Variants in HIVEP3 observed in about 807,000 individuals in gnomAD.
HIVEP3 encodes transcription factor HIVEP3.
In HIVEP3, 49 loss-of-function variants were observed where a neutral mutation model predicts 152.8. That is an observed-to-expected ratio of 0.32 (90% CI 0.26 to 0.41). The LOEUF is 0.41. HIVEP3 is among the 10% of genes least tolerant of loss of function. HIVEP3 has a pLI of 1.00. For missense variants in HIVEP3, 2,790 were observed against 3,103.3 expected (o/e 0.90, Z 2.40); for synonymous variants, 1,269 against 1,289.0 (o/e 0.98, Z 0.33).
chr1:41,991,997 T>C (rs1389647336), intron 1 of HIVEP3, among the ~76,000 whole-genome samples: 1 of 149,102 alleles, frequency 6.7e-6, no homozygotes, highest in Non-Finnish European at 1.5e-5. Flanking sequence ...TGGGACATAT[T>C]TCAAAATAAT....
chr1:41,654,997 A>G (rs1645607713), intron 2 of HIVEP3, among the ~76,000 whole-genome samples: 1 of 152,230 alleles, frequency 6.6e-6, no homozygotes, highest in South Asian at 2.1e-4. Context: ...CTACATGGAA[A>G]GACATTTTGA....
At chr1:41,769,117 C>G (rs1303820820) in intron 1 of HIVEP3, among the ~76,000 whole-genome samples, 1 of 152,230 alleles carries the variant, frequency 6.6e-6, no homozygotes, top group Non-Finnish European at 1.5e-5. Context: ...CAAATGGTTC[C>G]CTTTTGTAGC....
intron 2 of HIVEP3, among the ~76,000 whole-genome samples, chr1:41,682,510 G>A (rs752337945): frequency 4.3e-4 from 66 of 152,324 alleles, no homozygotes; most frequent in South Asian, 1.0e-3. Flanking sequence ...CCTGTGGTTG[G>A]TGTCTTGGGG....
intron 1 of HIVEP3, among the ~76,000 whole-genome samples, chr1:41,964,162 C>T (rs1645185243): frequency 6.6e-6 from 1 of 152,212 alleles, no homozygotes; most frequent in South Asian, 2.1e-4. Context: ...CGGCAGCTCC[C>T]ACTGAGAAGA....
At chr1:41,752,594 T>C (rs1440640261) in intron 1 of HIVEP3, among the ~76,000 whole-genome samples, 1 of 152,220 alleles carries the variant, frequency 6.6e-6, no homozygotes, top group Non-Finnish European at 1.5e-5. Flanking sequence ...GTATGGTTCC[T>C]GAACCCGGAG....
In HIVEP3 at chr1:41,584,325, G is replaced by T; in HGVS notation, c.473C>A (p.Pro158His). Residue 158 changes from proline (P) to histidine (H), a missense_variant, in exon 4 of 9, where the codon CCT becomes CAT. This residue lies in a region of HIVEP3 where 209 missense variants were observed against 237.0 expected (regional missense o/e 0.88). Coordinates refer to ENST00000372583, the MANE Select transcript of HIVEP3 (RefSeq NM_024503.5). This position sits in a 1 kb window ranked among gnomAD's most constrained non-coding sequence, Gnocchi z 5.2. The stretch of plus-strand genomic sequence containing the variant: ...AGGCACGAAGACTTTGGGGACTCCA[G>T]GAAGGTCCTCGGGGGGAATGATGGA... ...HASIIPPEDL[P>H]GVPKVFVPRP... 1 of 1,613,950 alleles carries T rather than the reference G, an allele frequency of 6.2e-7. No individual in the cohort carries two copies. The highest frequency in any genetic ancestry group is 8.5e-7 in the Non-Finnish European group (1 of 1,179,904).
At chr1:41,706,282 T>C (rs1482505390) in intron 1 of HIVEP3, among the ~76,000 whole-genome samples, 1 of 152,140 alleles carries the variant, frequency 6.6e-6, no homozygotes, top group Non-Finnish European at 1.5e-5. Flanking sequence ...ATGTGTTTTA[T>C]TTTTATTTAT....
intron 1 of HIVEP3, among the ~76,000 whole-genome samples, chr1:42,002,289 G>C (rs955524503): frequency 2.6e-5 from 4 of 151,970 alleles, no homozygotes; most frequent in Non-Finnish European, 5.9e-5. Context: ...CAGTGACAGG[G>C]ACCCAGATGG....
Position 41,583,764 on chromosome 1 carries a change from G to A in HIVEP3, c.1034C>T (p.Ser345Leu). 1.9e-6 allele frequency: 3 copies of A among 1,593,486 alleles called. No homozygotes were observed. The highest frequency in any genetic ancestry group is 2.6e-6 in the Non-Finnish European group (3 of 1,169,482). Residue 345 changes from serine to leucine, a missense_variant, in exon 4 of 9, where the codon TCA (serine) becomes TTA (leucine). By Grantham distance (145) the Ser-to-Leu change is moderately radical. Transcript: ENST00000372583. This position sits in a 1 kb window ranked among gnomAD's most constrained non-coding sequence, Gnocchi z 6.9. ...TTTATGGCTCAGGGGGTGCTCAGAT[G>A]AGGGTTCCACAAATGGAGGGGGGTC... ...LEDPPPFVEP[S>L]SEHPLSHKPE... is the part of the protein sequence containing the mutation.
chr1:41,568,291 G>C (rs1020952802), intron 5 of HIVEP3, among the ~76,000 whole-genome samples: 1 of 152,262 alleles, frequency 6.6e-6, no homozygotes, highest in Non-Finnish European at 1.5e-5. Flanking sequence ...GTGATGGAGA[G>C]AAGTGAGGGG....
At chr1:41,573,371 GC>G (rs1644279808) in intron 5 of HIVEP3, among the ~76,000 whole-genome samples, 1 of 152,150 alleles carries the variant, frequency 6.6e-6, no homozygotes, top group African/African-American at 2.4e-5. Flanking sequence ...CAAACACTCT[GC>G]GGGGTGATGC....
At position 41,918,229 on chromosome 1, in the gene HIVEP3, C is replaced by G. The variant is rs943971741; in HGVS notation, c.-801+184G>C. Among the ~76,000 whole-genome samples, 2 of 152,208 alleles carry G rather than the reference C, an allele frequency of 1.3e-5. No individual in the cohort carries two copies. The highest frequency in any genetic ancestry group is 4.8e-5 in the African/African-American group (2 of 41,452). On this transcript the variant is annotated intron_variant, in intron 1 of 8. Transcript: ENST00000372583. This position sits in a 1 kb window ranked among gnomAD's most constrained non-coding sequence, Gnocchi z 4.3. ...CCCACCGGGGGCACTGGCCGCCACG[C>G]GCAGCCCACCCGGCCGGCCCCTGCG... is the stretch of plus-strand genomic sequence containing the variant.
chr1:41,585,447 A>C, intron 3 of HIVEP3, 129 bp from the exon 4 acceptor site: 1 of 397,366 alleles, frequency 2.5e-6, no homozygotes, highest in Non-Finnish European at 4.4e-6. Context: ...CTCAAAAGTT[A>C]ACCAGGGAAA....
At chr1:41,726,506 C>G (rs1646754690) in intron 1 of HIVEP3, among the ~76,000 whole-genome samples, 1 of 152,188 alleles carries the variant, frequency 6.6e-6, no homozygotes, top group Non-Finnish European at 1.5e-5. Flanking sequence ...ACAGTTACCT[C>G]CTTTTGAGCG....
chr1:41,628,835 C>T lies in HIVEP3; in HGVS notation c.-608G>A. ...CATTCATGTCCACTCCTACGGCAGC[C>T]ACCCTCCACCTAGGCGCCGCTCTTC... On this transcript the variant is annotated 5_prime_UTR_variant, in exon 3 of 9. Coordinates refer to ENST00000372583, the MANE Select transcript of HIVEP3 (RefSeq NM_024503.5). 8.1e-7 allele frequency: 1 copy of T among 1,232,158 alleles called. No homozygotes were observed. The allele number at this position is 1,232,158 out of a possible 1,614,324, so 76.3% of individuals were successfully genotyped here. A position where few individuals can be genotyped will look rare whatever the true frequency, so the allele number is the denominator to read the frequency against.
intron 1 of HIVEP3, among the ~76,000 whole-genome samples, chr1:41,865,168 C>G (rs938974650): frequency 6.6e-6 from 1 of 152,162 alleles, no homozygotes; most frequent in Non-Finnish European, 1.5e-5. Context: ...AAATTAAAGC[C>G]CTTCCTCATA....
intron 1 of HIVEP3, among the ~76,000 whole-genome samples, chr1:41,887,666 T>C (rs544702100): frequency 1.5e-4 from 23 of 152,330 alleles, no homozygotes; most frequent in African/African-American, 4.8e-4. Flanking sequence ...CTACCTCACC[T>C]GAGCAGACAG....
chr1:41,528,457 ACC>A (rs1643093819), intron 5 of HIVEP3, among the ~76,000 whole-genome samples: 1 of 28,780 alleles, frequency 3.5e-5, no homozygotes, highest in Non-Finnish European at 6.8e-5. Context: ...CCTCACACAC[ACC>A]CCACCCTCAC....
At chr1:41,901,955 G>A (rs1039608372) in intron 1 of HIVEP3, among the ~76,000 whole-genome samples, 27 of 152,198 alleles carry the variant, frequency 1.8e-4, no homozygotes, top group Non-Finnish European at 3.2e-4. Flanking sequence ...GCACCTAGGA[G>A]GATGCTTGAC....
Sources: gnomAD v4.1 joint callset for allele counts (sites outside exome capture counted in the v4.1 genomes callset) on GRCh38, gnomAD v4.1.1 for gene constraint, gnomAD v4.1.1 regional missense constraint, Gnocchi (gnomAD v3.1) non-coding constraint, MANE v1.5 for transcripts, NCBI Gene and HGNC (gene_info 2026-07-23, HGNC 2026-07-21) for gene names.